The following EBF2 variants were observed in gnomAD, a reference collection of about 807,000 sequenced individuals.
The protein encoded by EBF2 is EBF transcription factor 2.
In EBF2, 21 loss-of-function variants were observed where a neutral mutation model predicts 72.8. The ratio of observed to expected loss-of-function variants is 0.29; its 90% confidence interval spans 0.20 to 0.42. The LOEUF (loss-of-function observed/expected upper bound fraction) is 0.42. EBF2 is among the 10% of genes least tolerant of loss of function. EBF2 has a pLI of 1.00. For missense variants in EBF2, 637 were observed against 731.2 expected (o/e 0.87, Z 1.49); for synonymous variants, 299 against 274.2 (o/e 1.09, Z -0.89).
intron 6 of EBF2, among the ~76,000 whole-genome samples, chr8:26,030,160 A>C (rs1229809053): frequency 1.3e-5 from 2 of 152,214 alleles, no homozygotes; most frequent in Admixed American, 6.5e-5. Context: ...AATGAAGGCA[A>C]GAAGGCTAAG....
At chr8:25,973,311 T>C (rs1447814363) in intron 6 of EBF2, among the ~76,000 whole-genome samples, 2 of 152,168 alleles carry the variant, frequency 1.3e-5, no homozygotes, top group African/African-American at 4.8e-5. Context: ...TACCTTTCTT[T>C]CCCCTGCCCA....
chr8:26,005,286 A>T (rs370347213), intron 6 of EBF2, among the ~76,000 whole-genome samples: 6,218 of 8,446 alleles, frequency 0.74, 2,058 homozygotes, highest in Middle Eastern at 0.88. Context: ...TAATTATATA[A>T]TTATATAATT....
At chr8:26,038,070 T>G (rs866113309) in intron 5 of EBF2, among the ~76,000 whole-genome samples, 2 of 152,322 alleles carry the variant, frequency 1.3e-5, no homozygotes, top group South Asian at 4.1e-4. Flanking sequence ...GAGAAGGAAC[T>G]TTTCCCCCTT....
At chr8:25,891,186 C>T (rs989768250) in intron 7 of EBF2, among the ~76,000 whole-genome samples, 1 of 152,090 alleles carries the variant, frequency 6.6e-6, no homozygotes, top group African/African-American at 2.4e-5. Context: ...AATCGAGCTC[C>T]AGCATATGTA....
At chr8:25,896,649 G>A (rs191179479) in intron 7 of EBF2, among the ~76,000 whole-genome samples, 101 of 152,234 alleles carry the variant, frequency 6.6e-4, no homozygotes, top group African/African-American at 2.2e-3. Flanking sequence ...AGGAGGAAAG[G>A]GACAGAGAAA....
chr8:25,949,598 G>A (rs6557871), intron 6 of EBF2, among the ~76,000 whole-genome samples: 152,307 of 152,336 alleles, frequency 1, 76,139 homozygotes, highest in Middle Eastern at 1. Flanking sequence ...AAATGCAAGT[G>A]TCCCTAAGAA....
intron 10 of EBF2, among the ~76,000 whole-genome samples, chr8:25,871,962 A>T (rs1257175142): frequency 8.1e-6 from 1 of 123,616 alleles, no homozygotes; most frequent in Admixed American, 7.4e-5. Flanking sequence ...ACCACTCTTT[A>T]AAAAAAAAAA....
At chr8:25,970,133 A>G (rs1804168574) in intron 6 of EBF2, among the ~76,000 whole-genome samples, 1 of 152,164 alleles carries the variant, frequency 6.6e-6, no homozygotes. Flanking sequence ...TAGAAAGAGA[A>G]GCATCCTTCT....
rs1802853633 is a variant in EBF2, at chr8:25,895,636, A to G, written c.634-5767T>C. 2.0e-5 allele frequency among the ~76,000 whole-genome samples: 3 copies of G among 152,124 alleles called. No homozygotes were observed. In the South Asian group the frequency reaches 6.2e-4, roughly 32 times the overall value. ...TTCTATTTTTCTTTTCATTCCCCAA[A>G]AGTTCTCCCATGTCCCTCACTCCAA... On this transcript the variant is annotated intron_variant, in intron 7 of 15. Coordinates refer to ENST00000520164, the MANE Select transcript of EBF2 (RefSeq NM_022659.4).
At chr8:25,855,911 A>G (rs1399294645) in intron 14 of EBF2, among the ~76,000 whole-genome samples, 1 of 152,160 alleles carries the variant, frequency 6.6e-6, no homozygotes, top group Non-Finnish European at 1.5e-5. Context: ...TCTGTCTCCC[A>G]GTTGGGCAGG....
chr8:25,946,598 A>T (rs1041715328), intron 6 of EBF2, among the ~76,000 whole-genome samples: 1 of 152,092 alleles, frequency 6.6e-6, no homozygotes, highest in African/African-American at 2.4e-5. Flanking sequence ...TCCTACTCCT[A>T]AACTATCCTC....
At chr8:25,930,932 T>C (rs1234483193) in intron 6 of EBF2, among the ~76,000 whole-genome samples, 1 of 152,160 alleles carries the variant, frequency 6.6e-6, no homozygotes, top group Non-Finnish European at 1.5e-5. Context: ...ATGGACTGCC[T>C]GGTAAGATTT....
chr8:25,965,734 C>T (rs187926326), intron 6 of EBF2, among the ~76,000 whole-genome samples: 1 of 152,268 alleles, frequency 6.6e-6, no homozygotes, highest in East Asian at 1.9e-4. Context: ...CATGCCTCAC[C>T]CATGAACTCA....
intron 14 of EBF2, among the ~76,000 whole-genome samples, chr8:25,854,632 G>C (rs1266366023): frequency 6.6e-6 from 1 of 152,012 alleles, no homozygotes; most frequent in Non-Finnish European, 1.5e-5. Context: ...CAAGTTGTCT[G>C]TAATGAGAAT....
intron 1 of EBF2, among the ~76,000 whole-genome samples, chr8:26,042,549 C>T (rs1449738054): frequency 6.6e-6 from 1 of 151,738 alleles, no homozygotes; most frequent in Admixed American, 6.6e-5. Flanking sequence ...CCGAAAGACC[C>T]CGGCTGCAGA....
At chr8:26,017,506 G>A (rs940376390) in intron 6 of EBF2, among the ~76,000 whole-genome samples, 5 of 152,088 alleles carry the variant, frequency 3.3e-5, no homozygotes, top group Admixed American at 6.5e-5. Flanking sequence ...CAAAACAAAC[G>A]CAGAACCATG....
At chr8:25,929,877 G>A (rs529269029) in intron 6 of EBF2, among the ~76,000 whole-genome samples, 28 of 152,250 alleles carry the variant, frequency 1.8e-4, no homozygotes, top group African/African-American at 6.0e-4. Context: ...CAAGAGAGGG[G>A]GAAAAACAGA....
At chr8:25,888,080 A>G in intron 8 of EBF2, 108 bp from the exon 9 acceptor site, 3 of 1,272,900 alleles carry the variant, frequency 2.4e-6, no homozygotes, top group Non-Finnish European at 2.1e-6. Flanking sequence ...CACGTATAAA[A>G]TACACTAATG....
chr8:25,953,843 A>G (rs930753346), intron 6 of EBF2, among the ~76,000 whole-genome samples: 3 of 152,214 alleles, frequency 2.0e-5, no homozygotes, highest in African/African-American at 7.2e-5. Flanking sequence ...CTCCATCGTC[A>G]GAGATCAGCG....
Sources: allele counts gnomAD v4.1 joint callset (sites outside exome capture counted in the v4.1 genomes callset), GRCh38; gene constraint gnomAD v4.1.1; transcripts MANE v1.5; gene names NCBI Gene and HGNC (gene_info 2026-07-23, HGNC 2026-07-21).